The following CA10 variants were observed in gnomAD, a reference collection of about 807,000 sequenced individuals.
The protein encoded by CA10 is carbonic anhydrase 10 (inactive).
A neutral mutation model predicts 44.2 loss-of-function variants in CA10; 14 were observed. The ratio of observed to expected loss-of-function variants is 0.32; its 90% CI spans 0.21 to 0.50. The LOEUF (loss-of-function observed/expected upper bound fraction) is 0.50. Ranked by LOEUF, CA10 falls within the 20% of genes least tolerant of loss-of-function variation. The probability of loss-of-function intolerance (pLI) is 0.99; values close to 1 mark genes in which losing one functional copy is unlikely to be tolerated. For synonymous variants in CA10, 159 were observed against 141.6 expected, an observed-to-expected ratio of 1.12 and a Z score of -0.87; for missense variants, 350 against 409.7, an observed-to-expected ratio of 0.85 and a Z score of 1.26.
chr17:52,121,477 T>C (rs1016005300), intron 1 of CA10, among the ~76,000 whole-genome samples: 2 of 152,010 alleles, frequency 1.3e-5, no homozygotes, highest in Admixed American at 6.6e-5. Context: ...CAGAACAGAG[T>C]TGCTGAATAG....
chr17:51,726,686 CT>C (rs1288386259), intron 4 of CA10, among the ~76,000 whole-genome samples: 1 of 152,078 alleles, frequency 6.6e-6, no homozygotes, highest in Non-Finnish European at 1.5e-5. Context: ...ATTTTTTCCC[CT>C]TAACTATACT....
At chr17:52,110,280 A>G (rs1167877575) in intron 1 of CA10, among the ~76,000 whole-genome samples, 1 of 152,172 alleles carries the variant, frequency 6.6e-6, no homozygotes, top group African/African-American at 2.4e-5. Context: ...GGTAGGGAGC[A>G]GGTATGATCA....
chr17:52,065,493 G>A (rs1466476910), intron 2 of CA10, among the ~76,000 whole-genome samples: 4 of 152,094 alleles, frequency 2.6e-5, no homozygotes, highest in South Asian at 2.1e-4. Flanking sequence ...ATATCCTCGA[G>A]GAATAGGTGG....
At chr17:51,749,686 A>G (rs1177035903) in intron 3 of CA10, among the ~76,000 whole-genome samples, 1 of 152,200 alleles carries the variant, frequency 6.6e-6, no homozygotes, top group African/African-American at 2.4e-5. Flanking sequence ...TATCAACAGA[A>G]ACTCTCCGTT....
chr17:52,105,487 C>A (rs145101276), intron 1 of CA10, among the ~76,000 whole-genome samples: 1 of 152,178 alleles, frequency 6.6e-6, no homozygotes, highest in Non-Finnish European at 1.5e-5. Context: ...AATCTCCTGA[C>A]CTCGTGATCT....
In CA10 at chr17:51,717,595, GTA is replaced by G. The variant is rs578105186; in HGVS notation, c.465+30036_465+30037del. 6.5e-5 allele frequency among the ~76,000 whole-genome samples: 7 copies of G among 107,454 alleles called. 3 individuals carry two copies. The highest frequency in any genetic ancestry group is 9.5e-5 in the Non-Finnish European group (5 of 52,764). 70.5% of individuals were successfully genotyped at this position (107,454 alleles called of 152,430 possible). A position where few individuals can be genotyped will look rare whatever the true frequency, so the allele number is the denominator to read the frequency against. On this transcript the variant is annotated intron_variant, in intron 4 of 8. Transcript: ENST00000451037. The stretch of plus-strand genomic sequence containing the variant: ...TAAATATATAAAAATATATATTTGT[GTA>G]TATATATACATGTATACATGTATAT...
chr17:51,810,167 A>AT (rs1196261728), intron 3 of CA10, among the ~76,000 whole-genome samples: 2 of 152,208 alleles, frequency 1.3e-5, no homozygotes, highest in Non-Finnish European at 2.9e-5. Flanking sequence ...AACATTGGTT[A>AT]TGTTTCTCAG....
chr17:51,737,125 G>C (rs1916938862), intron 4 of CA10, among the ~76,000 whole-genome samples: 1 of 152,178 alleles, frequency 6.6e-6, no homozygotes, highest in South Asian at 2.1e-4. Flanking sequence ...ACTGTCTAAG[G>C]TCACTCAGTG....
At chr17:51,960,058 G>A (rs1479234346) in intron 2 of CA10, among the ~76,000 whole-genome samples, 3 of 151,646 alleles carry the variant, frequency 2.0e-5, no homozygotes, top group Non-Finnish European at 4.4e-5. Flanking sequence ...AAAATGGATG[G>A]AAAGAAATGT....
chr17:51,660,196 G>A (rs994523908), intron 4 of CA10, among the ~76,000 whole-genome samples: 7 of 152,224 alleles, frequency 4.6e-5, no homozygotes, highest in Non-Finnish European at 8.8e-5. Context: ...AGGAGAAATT[G>A]TATTGGAAGG....
intron 2 of CA10, among the ~76,000 whole-genome samples, chr17:52,034,591 G>T (rs898870044): frequency 1.3e-5 from 2 of 152,080 alleles, no homozygotes; most frequent in African/African-American, 4.8e-5. Flanking sequence ...TTTATGGGGA[G>T]ATTAGTAGGG....
chr17:51,797,978 T>C (rs2143710796), intron 3 of CA10, among the ~76,000 whole-genome samples: 1 of 152,088 alleles, frequency 6.6e-6, no homozygotes, highest in Non-Finnish European at 1.5e-5. Context: ...CTCCCTGTAG[T>C]TTTTATTGAA....
In CA10 at chr17:51,631,487, AAAGAAGGAGAGAGAAGC is replaced by A. The variant is rs1251726441; in HGVS notation, c.*80_*96del. ...CCCAAGAATGAATGAGGCTTGGGGGAAAGAAGGAGAGAGAAGCAAGAAGGGGGACATTCTAGGTTACG... is the reference window on the plus strand; with the variant it reads ...CCCAAGAATGAATGAGGCTTGGGGGAAAGAAGGGGGACATTCTAGGTTACG... On this transcript the variant is annotated 3_prime_UTR_variant, in exon 9 of 9. Coordinates refer to ENST00000451037, the MANE Select transcript of CA10 (RefSeq NM_020178.5). 8.8e-6 allele frequency: 10 copies of A among 1,139,260 alleles called. No homozygotes were observed. The African/African-American group carries it at 1.4e-4, about 16-fold the overall frequency. The allele number at this position is 1,139,260 out of a possible 1,614,324, so 70.6% of individuals were successfully genotyped here. A position where few individuals can be genotyped will look rare whatever the true frequency, so the allele number is the denominator to read the frequency against.
At chr17:51,970,005 G>A (rs114513914) in intron 2 of CA10, among the ~76,000 whole-genome samples, 333 of 152,094 alleles carry the variant, frequency 2.2e-3, no homozygotes, top group African/African-American at 7.7e-3. Flanking sequence ...TGTTTGTAGA[G>A]TAATATAAGC....
In CA10 at chr17:51,821,091, C is replaced by CCCTT. The variant is rs1555602973; in HGVS notation, c.280-73277_280-73274dup. On this transcript the variant is annotated intron_variant, in intron 3 of 8. Coordinates refer to ENST00000451037, the MANE Select transcript of CA10 (RefSeq NM_020178.5). Reference sequence around the variant, plus strand: ...TCCCTTCCTTCCTCCCTCCCTCCCTCCCTTCCTTCCTTCCTTCCTTTCCTT... The same window carrying CCCTT: ...TCCCTTCCTTCCTCCCTCCCTCCCTCCCTTCCTTCCTTCCTTCCTTCCTTTCCTT... 2.0e-3 allele frequency among the ~76,000 whole-genome samples: 235 copies of CCCTT among 116,174 alleles called. 5 individuals carry two copies. The highest frequency in any genetic ancestry group is 8.3e-3 in the African/African-American group (216 of 26,032). 76.2% of individuals were successfully genotyped at this position (116,174 alleles called of 152,430 possible).
intron 3 of CA10, among the ~76,000 whole-genome samples, chr17:51,878,090 G>A (rs552670821): frequency 7.9e-6 from 1 of 127,328 alleles, no homozygotes; most frequent in African/African-American, 3.1e-5. Context: ...GTTACAGTGA[G>A]CCAAGATCGC....
chr17:51,844,838 C>T (rs1016386203), intron 3 of CA10, among the ~76,000 whole-genome samples: 1 of 152,170 alleles, frequency 6.6e-6, no homozygotes, highest in African/African-American at 2.4e-5. Context: ...GAAACACCCA[C>T]ACCCACCGCA....
chr17:51,669,167 C>G (rs1162152984), intron 4 of CA10, among the ~76,000 whole-genome samples: 1 of 152,242 alleles, frequency 6.6e-6, no homozygotes, highest in African/African-American at 2.4e-5. Context: ...CCGGGCGGCC[C>G]AGTGTGGGAT....
intron 2 of CA10, among the ~76,000 whole-genome samples, chr17:51,992,948 G>A (rs1369076363): frequency 1.3e-5 from 2 of 152,052 alleles, no homozygotes; most frequent in East Asian, 1.9e-4. Context: ...GATAAAATTC[G>A]ATTTTGTTTA....
Sources: gnomAD v4.1 joint callset for allele counts (sites outside exome capture counted in the v4.1 genomes callset) on GRCh38, gnomAD v4.1.1 for gene constraint, MANE v1.5 for transcripts, NCBI Gene and HGNC (gene_info 2026-07-23, HGNC 2026-07-21) for gene names.